FBXW7: variants seen among roughly 807,000 people sequenced by gnomAD.
FBXW7 encodes F-box/WD repeat-containing protein 7.
A neutral mutation model predicts 86.3 loss-of-function variants in FBXW7; 11 were observed. The ratio of observed to expected loss-of-function variants is 0.13; its 90% CI spans 0.08 to 0.21. The LOEUF (loss-of-function observed/expected upper bound fraction) is 0.21, where lower values mean the gene tolerates loss of function less well. Ranked by LOEUF, FBXW7 falls within the 10% of genes least tolerant of loss-of-function variation. The probability of loss-of-function intolerance (pLI) is 1.00; values close to 1 mark genes in which losing one functional copy is unlikely to be tolerated. For missense variants in FBXW7, 488 were observed against 847.4 expected (o/e 0.58, Z 5.27); for synonymous variants, 313 against 297.9 (o/e 1.05, Z -0.52).
At chr4:152,504,372 G>A (rs1435306518) in intron 2 of FBXW7, among the ~76,000 whole-genome samples, 1 of 152,100 alleles carries the variant, frequency 6.6e-6, no homozygotes, top group Non-Finnish European at 1.5e-5. Context: ...GTTTTGCAAA[G>A]TGGCTGCAAA....
intron 2 of FBXW7, among the ~76,000 whole-genome samples, chr4:152,506,131 T>C (rs974202319): frequency 3.9e-5 from 6 of 152,122 alleles, no homozygotes; most frequent in African/African-American, 1.4e-4. Context: ...CATAATTGTA[T>C]GTGCTATACT....
At chr4:152,360,220 G>A (rs1048133949) in intron 4 of FBXW7, among the ~76,000 whole-genome samples, 2 of 152,040 alleles carry the variant, frequency 1.3e-5, no homozygotes, top group African/African-American at 4.8e-5. Flanking sequence ...TCTGTACTAG[G>A]AGAACTTTAC....
intron 2 of FBXW7, among the ~76,000 whole-genome samples, chr4:152,477,954 A>G (rs953638618): frequency 2.0e-5 from 3 of 152,162 alleles, no homozygotes; most frequent in Non-Finnish European, 4.4e-5. Flanking sequence ...CAAAATGCAT[A>G]TAATTTTTAA....
chr4:152,432,298 A>T (rs1473426705), intron 2 of FBXW7, among the ~76,000 whole-genome samples: 1 of 152,192 alleles, frequency 6.6e-6, no homozygotes. Flanking sequence ...CTGATATTAG[A>T]ACAGGGAAGT....
intron 2 of FBXW7, among the ~76,000 whole-genome samples, chr4:152,423,085 G>T (rs1739085473): frequency 6.6e-6 from 1 of 152,124 alleles, no homozygotes; most frequent in Admixed American, 6.5e-5. Flanking sequence ...AACTTGGTTT[G>T]TTCCTTTGTC....
intron 2 of FBXW7, among the ~76,000 whole-genome samples, chr4:152,435,473 T>C (rs1486069757): frequency 6.6e-6 from 1 of 152,214 alleles, no homozygotes; most frequent in Non-Finnish European, 1.5e-5. Flanking sequence ...GTTCATCCCA[T>C]TATTGATCTT....
chr4:152,504,471 G>C (rs1258115193), intron 2 of FBXW7, among the ~76,000 whole-genome samples: 1 of 152,074 alleles, frequency 6.6e-6, no homozygotes, highest in African/African-American at 2.4e-5. Context: ...CAGTAATACG[G>C]AGTTGACACA....
chr4:152,495,159 G>A (rs1746207708), intron 2 of FBXW7, among the ~76,000 whole-genome samples: 1 of 152,174 alleles, frequency 6.6e-6, no homozygotes, highest in Non-Finnish European at 1.5e-5. Flanking sequence ...TAGGCTGGGT[G>A]TGGTGACTCA....
intron 2 of FBXW7, among the ~76,000 whole-genome samples, chr4:152,447,904 C>T (rs1741556839): frequency 6.6e-6 from 1 of 152,166 alleles, no homozygotes; most frequent in Non-Finnish European, 1.5e-5. Flanking sequence ...CAATAACTCT[C>T]ATATTTTAGA....
At chr4:152,331,636 G>A (rs762549703) in intron 8 of FBXW7, among the ~76,000 whole-genome samples, 1 of 151,960 alleles carries the variant, frequency 6.6e-6, no homozygotes, top group Non-Finnish European at 1.5e-5. Flanking sequence ...GAACACAGAT[G>A]GTAGTGAATC....
intron 4 of FBXW7, among the ~76,000 whole-genome samples, chr4:152,385,768 A>G (rs1560834207): frequency 1.3e-5 from 2 of 152,096 alleles, no homozygotes; most frequent in South Asian, 2.1e-4. Context: ...ATCAGTAAAT[A>G]GCTGCCCTCA....
At chr4:152,383,693 T>C (rs752046293) in intron 4 of FBXW7, among the ~76,000 whole-genome samples, 11 of 152,166 alleles carry the variant, frequency 7.2e-5, no homozygotes, top group Non-Finnish European at 1.5e-4. Flanking sequence ...AAGGAGAAAG[T>C]TAGAAATGGG....
At chr4:152,453,139 G>A (rs1016696842) in intron 2 of FBXW7, among the ~76,000 whole-genome samples, 2 of 152,146 alleles carry the variant, frequency 1.3e-5, no homozygotes, top group Non-Finnish European at 2.9e-5. Context: ...AGCCAAGATC[G>A]CACCATTGCA....
intron 2 of FBXW7, among the ~76,000 whole-genome samples, chr4:152,461,559 T>C (rs955823262): frequency 4.6e-5 from 7 of 152,344 alleles, no homozygotes; most frequent in African/African-American, 1.4e-4. Flanking sequence ...CTTAAATTCT[T>C]CTGATTATAT....
chr4:152,448,066 A>G (rs1349507319), intron 2 of FBXW7, among the ~76,000 whole-genome samples: 2 of 152,264 alleles, frequency 1.3e-5, no homozygotes, highest in African/African-American at 2.4e-5. Flanking sequence ...GGCTACTCAC[A>G]AAACTTGAAA....
At position 152,387,814 on chromosome 4, in the gene FBXW7, T is replaced by C. The variant is rs193210823; in HGVS notation, c.501+23489A>G. On this transcript the variant is annotated intron_variant, in intron 4 of 13. Coordinates refer to ENST00000281708, the MANE Select transcript of FBXW7 (RefSeq NM_001349798.2). ...ACCTCCGCCTCCCAGGTTCAAGCAA[T>C]TCTCCTGCCTCAGTCTCCTGAGCAG... is the stretch of plus-strand genomic sequence containing the variant. 6.1e-5 allele frequency among the ~76,000 whole-genome samples: 9 copies of C among 146,370 alleles called. No homozygotes were observed. In the East Asian group the frequency reaches 1.9e-3, roughly 31 times the overall value.
chr4:152,440,198 A>AT (rs1236906198), intron 2 of FBXW7, among the ~76,000 whole-genome samples: 1 of 152,026 alleles, frequency 6.6e-6, no homozygotes, highest in Non-Finnish European at 1.5e-5. Context: ...TTCTAAAAAA[A>AT]TTTTTTTTCA....
chr4:152,389,237 G>T (rs1263909483), intron 4 of FBXW7, among the ~76,000 whole-genome samples: 1 of 151,986 alleles, frequency 6.6e-6, no homozygotes, highest in East Asian at 1.9e-4. Context: ...ATTTCTCAGA[G>T]AACTAATAAT....
At chr4:152,434,804 T>C (rs1044861629) in intron 2 of FBXW7, among the ~76,000 whole-genome samples, 2 of 152,282 alleles carry the variant, frequency 1.3e-5, no homozygotes, top group African/African-American at 4.8e-5. Context: ...TGTTGAGAAA[T>C]ATACAATTTC....
Sources: gnomAD v4.1 joint callset for allele counts (sites outside exome capture counted in the v4.1 genomes callset) on GRCh38, gnomAD v4.1.1 for gene constraint, MANE v1.5 for transcripts, NCBI Gene and HGNC (gene_info 2026-07-23, HGNC 2026-07-21) for gene names.